Variants in HSF2 observed in about 807,000 individuals in gnomAD.
The protein encoded by HSF2 is heat shock transcription factor 2.
A neutral mutation model predicts 65.0 loss-of-function variants in HSF2; 21 were observed. That is an observed-to-expected ratio of 0.32 (90% CI 0.23 to 0.47). HSF2 has a LOEUF of 0.47. HSF2 is among the 20% of genes least tolerant of loss of function. The pLI, the probability that HSF2 is intolerant of heterozygous loss-of-function variation, is 1.00. For synonymous variants in HSF2, 225 were observed against 219.1 expected (o/e 1.03, Z -0.24); for missense variants, 499 against 628.1 (o/e 0.79, Z 2.20).
intron 12 of HSF2, 22 bp from the exon 13 acceptor site, chr6:122,431,903 A>C: frequency 1.3e-6 from 2 of 1,595,946 alleles, no homozygotes; most frequent in Non-Finnish European, 1.7e-6. Context: ...GTGATAAAAG[A>C]GTGTTTTTCT....
At chr6:122,422,345 C>T in intron 8 of HSF2, 47 bp downstream of exon 8, 1 of 1,358,318 alleles carries the variant, frequency 7.4e-7, no homozygotes, top group Non-Finnish European at 1.0e-6. Flanking sequence ...GATTACTTTT[C>T]TTATTACAGA....
chr6:122,431,394 G>T, intron 11 of HSF2, 36 bp from the exon 12 acceptor site: 2 of 991,558 alleles, frequency 2.0e-6, no homozygotes, highest in South Asian at 2.3e-5. Flanking sequence ...CATAAAATAT[G>T]AAACAAGTAC....
intron 4 of HSF2, among the ~76,000 whole-genome samples, chr6:122,414,006 A>G (rs1188630893): frequency 6.6e-6 from 1 of 152,154 alleles, no homozygotes; most frequent in East Asian, 1.9e-4. Context: ...GGCATACGAC[A>G]TAAAAACCCT....
intron 10 of HSF2, among the ~76,000 whole-genome samples, chr6:122,426,503 G>T (rs1201457843): frequency 6.6e-6 from 1 of 151,998 alleles, no homozygotes; most frequent in African/African-American, 2.4e-5. Flanking sequence ...ACAAAATTTG[G>T]GTTAGGCTTC....
intron 1 of HSF2, among the ~76,000 whole-genome samples, chr6:122,403,247 T>C (rs1245245895): frequency 1.3e-5 from 2 of 152,152 alleles, no homozygotes; most frequent in African/African-American, 2.4e-5. Context: ...ACAATTGAAA[T>C]TATACTTAAA....
chr6:122,406,880 A>G (rs538196039), intron 1 of HSF2, among the ~76,000 whole-genome samples: 1 of 150,492 alleles, frequency 6.6e-6, no homozygotes, highest in East Asian at 1.9e-4. Flanking sequence ...GCAGTGCTAG[A>G]AAAAAAAACA....
At chr6:122,415,778 C>G (rs1774112274) in intron 4 of HSF2, among the ~76,000 whole-genome samples, 1 of 151,946 alleles carries the variant, frequency 6.6e-6, no homozygotes, top group Non-Finnish European at 1.5e-5. Context: ...CTTTGGGAGG[C>G]CGAGGTGGGT....
intron 4 of HSF2, 74 bp from the exon 5 acceptor site, chr6:122,416,147 T>A: frequency 1.1e-6 from 1 of 883,996 alleles, no homozygotes; most frequent in Admixed American, 2.0e-5. Context: ...CTGGTATTCT[T>A]AATTAAAGAT....
At chr6:122,415,762 G>A (rs889150646) in intron 4 of HSF2, among the ~76,000 whole-genome samples, 1 of 151,792 alleles carries the variant, frequency 6.6e-6, no homozygotes, top group African/African-American at 2.4e-5. Flanking sequence ...GCCTGTAATC[G>A]CAGCACTTTG....
intron 1 of HSF2, among the ~76,000 whole-genome samples, chr6:122,411,133 T>C (rs773499043): frequency 4.3e-4 from 65 of 151,822 alleles, no homozygotes; most frequent in Non-Finnish European, 8.1e-4. Context: ...TTATGCGTTT[T>C]TGATAATAGC....
chr6:122,418,505 C>T (rs1774169624), intron 5 of HSF2, among the ~76,000 whole-genome samples: 1 of 152,196 alleles, frequency 6.6e-6, no homozygotes, highest in South Asian at 2.1e-4. Context: ...ACAATTTTCT[C>T]TCTAAATTTA....
chr6:122,422,641 C>A, intron 8 of HSF2, 77 bp from the exon 9 acceptor site: 1 of 1,468,776 alleles, frequency 6.8e-7, no homozygotes, highest in South Asian at 1.2e-5. Context: ...GAGAGAGTTT[C>A]CATTTAGAAT....
chr6:122,426,361 A>G (rs1004641538), intron 10 of HSF2, among the ~76,000 whole-genome samples: 1 of 152,054 alleles, frequency 6.6e-6, no homozygotes, highest in Non-Finnish European at 1.5e-5. Context: ...TATATGATCT[A>G]CTTTTTCTAC....
At chr6:122,416,997 TTG>T (rs1562202168) in intron 5 of HSF2, among the ~76,000 whole-genome samples, 2 of 152,178 alleles carry the variant, frequency 1.3e-5, no homozygotes, top group African/African-American at 4.8e-5. Context: ...AACAGGTTTT[TTG>T]AGGGGGAGCT....
chr6:122,414,899 G>T (rs369923686), intron 4 of HSF2, among the ~76,000 whole-genome samples: 1 of 152,160 alleles, frequency 6.6e-6, no homozygotes, highest in African/African-American at 2.4e-5. Flanking sequence ...TTACAGGCAC[G>T]AGCCACCGCA....
At chr6:122,400,162 G>T (rs951169614) in intron 1 of HSF2, among the ~76,000 whole-genome samples, 18 of 152,186 alleles carry the variant, frequency 1.2e-4, no homozygotes, top group Admixed American at 8.5e-4. Context: ...GGGCGCGGGA[G>T]CCTCTTTACT....
At chr6:122,411,591 A>G (rs1232737758) in intron 1 of HSF2, among the ~76,000 whole-genome samples, 3 of 151,880 alleles carry the variant, frequency 2.0e-5, no homozygotes, top group African/African-American at 4.8e-5. Context: ...ATTGATTTGA[A>G]GTTAGTTTTT....
chr6:122,411,961 G>A (rs1774006500), intron 1 of HSF2, among the ~76,000 whole-genome samples: 1 of 151,622 alleles, frequency 6.6e-6, no homozygotes, highest in South Asian at 2.1e-4. Context: ...TGTCTACTAT[G>A]TCTACTGCAA....
intron 5 of HSF2, among the ~76,000 whole-genome samples, chr6:122,417,001 G>C (rs1427704162): frequency 6.6e-6 from 1 of 152,136 alleles, no homozygotes; most frequent in Admixed American, 6.6e-5. Context: ...GGTTTTTTGA[G>C]GGGGAGCTTC....
Sources: allele counts gnomAD v4.1 joint callset (sites outside exome capture counted in the v4.1 genomes callset), GRCh38; gene constraint gnomAD v4.1.1; transcripts MANE v1.5; gene names NCBI Gene and HGNC (gene_info 2026-07-23, HGNC 2026-07-21).